The following KIF11 variants were observed in gnomAD, a reference collection of about 807,000 sequenced individuals.
KIF11 encodes the protein kinesin-like protein KIF11.
Under a neutral mutation model 121.0 loss-of-function variants are expected in KIF11, and 9 were observed. That is an observed-to-expected ratio of 0.07 (90% CI 0.04 to 0.13). The LOEUF (loss-of-function observed/expected upper bound fraction) is 0.13. Ranked by LOEUF, KIF11 falls within the 10% of genes least tolerant of loss-of-function variation. KIF11 has a pLI of 1.00. For missense variants in KIF11, 846 were observed against 1,217.5 expected (o/e 0.69, Z 4.54); for synonymous variants, 408 against 421.0 (o/e 0.97, Z 0.38).
At chr10:92,608,291 T>C (rs1844452893) in intron 4 of KIF11, among the ~76,000 whole-genome samples, 2 of 151,906 alleles carry the variant, frequency 1.3e-5, no homozygotes, top group Non-Finnish European at 2.9e-5. Context: ...TTCCAAATTA[T>C]TGACAGTTGG....
At chr10:92,622,366 G>A (rs1207280551) in intron 10 of KIF11, among the ~76,000 whole-genome samples, 3 of 152,168 alleles carry the variant, frequency 2.0e-5, no homozygotes, top group South Asian at 2.1e-4. Flanking sequence ...TGTAATCCCA[G>A]CACTTTGGGA....
In KIF11 at chr10:92,624,228, C is replaced by CTTT. The variant is rs201871020; in HGVS notation, c.1217+2774_1217+2776dup. On this transcript the variant is annotated intron_variant, in intron 10 of 21. Coordinates refer to ENST00000260731, the MANE Select transcript of KIF11 (RefSeq NM_004523.4). The stretch of plus-strand genomic sequence containing the variant: ...TTGCTGCAAAGAACATGATCTCATT[C>CTTT]TTTTTTTTTTTTTTTTTTTTTCGAG... Among the ~76,000 whole-genome samples the CTTT allele has an allele frequency of 4.6e-4, 46 of 99,820 alleles. 1 individual carries two copies. The highest frequency in any genetic ancestry group is 5.7e-4 in the African/African-American group (15 of 26,140). The allele number at this position is 99,820 out of a possible 152,430, so 65.5% of individuals were successfully genotyped here.
At chr10:92,631,295 G>GAA (rs201439676) in intron 12 of KIF11, among the ~76,000 whole-genome samples, 4 of 97,468 alleles carry the variant, frequency 4.1e-5, no homozygotes, top group South Asian at 3.5e-4. Flanking sequence ...CTCTGTTTCA[G>GAA]AAAAAAAAAA....
intron 16 of KIF11, 77 bp from the exon 17 acceptor site, chr10:92,639,703 ATGGACAATACTTCT>A (rs1395945867): frequency 1.4e-6 from 1 of 706,822 alleles, no homozygotes; most frequent in Non-Finnish European, 2.5e-6. Flanking sequence ...ATTCTCACCT[ATGGACAATACTTCT>A]TGTTTTGTTA....
chr10:92,649,192 C>T (rs1461615597), intron 19 of KIF11, among the ~76,000 whole-genome samples: 1 of 151,746 alleles, frequency 6.6e-6, no homozygotes, highest in Non-Finnish European at 1.5e-5. Flanking sequence ...TTTATTTATT[C>T]CCCAAGAGAC....
intron 21 of KIF11, among the ~76,000 whole-genome samples, chr10:92,653,226 GTGA>G (rs1361242386): frequency 6.6e-6 from 1 of 152,132 alleles, no homozygotes. Flanking sequence ...ATTCTTTGTT[GTGA>G]TGGGCTTTCC....
At chr10:92,637,990 A>G (rs1387812608) in intron 16 of KIF11, among the ~76,000 whole-genome samples, 2 of 152,188 alleles carry the variant, frequency 1.3e-5, no homozygotes, top group East Asian at 3.8e-4. Context: ...GTAAATCGAT[A>G]CAACTTTTAA....
chr10:92,641,817 T>C (rs1844868160), intron 17 of KIF11, among the ~76,000 whole-genome samples: 1 of 152,184 alleles, frequency 6.6e-6, no homozygotes, highest in African/African-American at 2.4e-5. Context: ...TCAGGAGATA[T>C]GTAGAATATA....
intron 16 of KIF11, among the ~76,000 whole-genome samples, chr10:92,638,396 T>G (rs1383117554): frequency 6.6e-6 from 1 of 152,214 alleles, no homozygotes; most frequent in East Asian, 1.9e-4. Flanking sequence ...TGAGTGGCTC[T>G]TTTGTGTGTT....
intron 13 of KIF11, 99 bp downstream of exon 13, chr10:92,632,792 ACT>A (rs1486246110): frequency 4.7e-6 from 3 of 635,836 alleles, no homozygotes; most frequent in African/African-American, 1.9e-5. Flanking sequence ...TGTCACCAAT[ACT>A]CTCTACCATG....
At position 92,601,818 on chromosome 10, in the gene KIF11, A is replaced by G. The variant is rs187462360; in HGVS notation, c.78-4447A>G. 2.7e-3 allele frequency among the ~76,000 whole-genome samples: 412 copies of G among 151,974 alleles called. 1 individual carries two copies. Among genetic ancestry groups the G allele is most frequent in the Admixed American group, 5.3e-3 (81 of 15,236 alleles). ...TACCCTCCCATAGTGCTGTGATTAC[A>G]GGCATGAACCACTGTGCTGGCCCTG... On this transcript the variant is annotated intron_variant, in intron 1 of 21. Transcript: ENST00000260731.
chr10:92,623,869 A>G (rs1293845864), intron 10 of KIF11, among the ~76,000 whole-genome samples: 1 of 152,188 alleles, frequency 6.6e-6, no homozygotes, highest in Non-Finnish European at 1.5e-5. Flanking sequence ...CCATGATTGA[A>G]AATATGGTGT....
At chr10:92,648,748 A>G (rs1417978806) in intron 19 of KIF11, among the ~76,000 whole-genome samples, 1 of 152,198 alleles carries the variant, frequency 6.6e-6, no homozygotes, top group Non-Finnish European at 1.5e-5. Flanking sequence ...AATATGGGAG[A>G]GATGTAACTG....
rs1294233653 is a variant in KIF11, at chr10:92,654,621, G to A, written c.*825G>A. 1 of 152,118 alleles carries A rather than the reference G, an allele frequency of 6.6e-6. No homozygotes were observed. The highest frequency in any genetic ancestry group is 6.5e-5 in the Admixed American group (1 of 15,276). 9.4% of individuals were successfully genotyped at this position (152,118 alleles called of 1,614,324 possible). ...TATCCTTTCTTATTTTCAGTAGTCA[G>A]AATTTTATCTAGAAATCTTTTAACA... On this transcript the variant is annotated 3_prime_UTR_variant, in exon 22 of 22. Coordinates refer to ENST00000260731, the MANE Select transcript of KIF11 (RefSeq NM_004523.4).
intron 11 of KIF11, among the ~76,000 whole-genome samples, chr10:92,629,428 GAATT>G (rs920642993): frequency 3.9e-5 from 6 of 152,072 alleles, no homozygotes; most frequent in Non-Finnish European, 8.8e-5. Context: ...GAAATTAACT[GAATT>G]GTTTGATTTT....
intron 13 of KIF11, among the ~76,000 whole-genome samples, chr10:92,632,910 C>T (rs529277906): frequency 7.1e-6 from 1 of 141,416 alleles, no homozygotes; most frequent in African/African-American, 2.5e-5. Flanking sequence ...TAAAATGTTA[C>T]ATTTATTAAG....
Position 92,645,070 on chromosome 10 carries a change from G to A in KIF11, c.2268-293G>A, listed in dbSNP as rs77719947. Among the ~76,000 whole-genome samples, 1,472 of 152,294 alleles carry A rather than the reference G, an allele frequency of 9.7e-3. 15 individuals carry two copies. Among genetic ancestry groups the A allele is most frequent in the Non-Finnish European group, 0.013 (876 of 68,014 alleles). On this transcript the variant is annotated intron_variant, in intron 17 of 21. Coordinates refer to ENST00000260731, the MANE Select transcript of KIF11 (RefSeq NM_004523.4). ...AGATGCCCTGAAGTAACATTGCCTA[G>A]TAAGAGGAATAAAACAAGTAGACAG...
intron 6 of KIF11, among the ~76,000 whole-genome samples, chr10:92,610,331 AT>A (rs1027138150): frequency 2.6e-5 from 4 of 152,028 alleles, no homozygotes; most frequent in African/African-American, 9.7e-5. Flanking sequence ...GAAAGGGATG[AT>A]TTTTTTCGCT....
At chr10:92,641,928 C>T (rs2135921679) in intron 17 of KIF11, among the ~76,000 whole-genome samples, 1 of 152,266 alleles carries the variant, frequency 6.6e-6, no homozygotes, top group South Asian at 2.1e-4. Flanking sequence ...CTCTAACCTA[C>T]TGTTAAACCC....
Sources: gnomAD v4.1 joint callset for allele counts (sites outside exome capture counted in the v4.1 genomes callset) on GRCh38, gnomAD v4.1.1 for gene constraint, MANE v1.5 for transcripts, NCBI Gene and HGNC (gene_info 2026-07-23, HGNC 2026-07-21) for gene names.